CCDC141: variants seen among roughly 807,000 people sequenced by gnomAD.
The protein encoded by CCDC141 is coiled-coil domain containing 141, also known as coiled-coil domain-containing protein 141.
A neutral mutation model predicts 181.0 loss-of-function variants in CCDC141; 168 were observed. The ratio of observed to expected loss-of-function variants is 0.93; its 90% CI spans 0.82 to 1.05. CCDC141 has a LOEUF of 1.05. Ranked by LOEUF, CCDC141 falls within the 50% of genes least tolerant of loss-of-function variation. CCDC141 has a pLI of 0.00. For synonymous variants in CCDC141, 666 were observed against 642.3 expected (o/e 1.04, Z -0.56); for missense variants, 1,902 against 1,788.5 (o/e 1.06, Z -1.14).
intron 2 of CCDC141, among the ~76,000 whole-genome samples, chr2:178,987,069 A>C (rs1691785646): frequency 6.7e-6 from 1 of 149,500 alleles, no homozygotes; most frequent in East Asian, 2.0e-4. Flanking sequence ...TTCAAACTAT[A>C]CTACAAGGCT....
chr2:178,897,534 G>C (rs1488292768), intron 8 of CCDC141, among the ~76,000 whole-genome samples: 1 of 152,142 alleles, frequency 6.6e-6, no homozygotes. Flanking sequence ...AACAGATAAT[G>C]CTTAATTAAA....
chr2:178,991,700 G>A (rs887143702), intron 2 of CCDC141, among the ~76,000 whole-genome samples: 2 of 151,966 alleles, frequency 1.3e-5, no homozygotes, highest in African/African-American at 2.4e-5. Context: ...TCAACACAAA[G>A]AAATCACAAC....
intron 7 of CCDC141, among the ~76,000 whole-genome samples, chr2:178,906,973 C>T (rs376343961): frequency 7.2e-5 from 11 of 152,236 alleles, no homozygotes; most frequent in African/African-American, 2.4e-4. Flanking sequence ...ACTCAAACAG[C>T]GTCTTACTAC....
In CCDC141 at chr2:179,048,421, GTTTCCAGTGTAAT is replaced by G. The variant is rs1434551050; in HGVS notation, c.103-1028_103-1016del. 1.2e-4 allele frequency among the ~76,000 whole-genome samples: 18 copies of G among 152,180 alleles called. No individual in the cohort carries two copies. In the East Asian group the frequency reaches 2.9e-3, roughly 24 times the overall value. On this transcript the variant is annotated intron_variant, in intron 1 of 23. Coordinates refer to ENST00000443758, the MANE Select transcript of CCDC141 (RefSeq NM_173648.4). ...GAAACACAATTCAGTTAAAATAAGAGTTTCCAGTGTAATTTTCCAGTGTAATTTCCAGTGTAAT... is the reference window on the plus strand; with the variant it reads ...GAAACACAATTCAGTTAAAATAAGAGTTTCCAGTGTAATTTCCAGTGTAAT...
intron 2 of CCDC141, among the ~76,000 whole-genome samples, chr2:178,985,013 A>AT (rs1276580426): frequency 2.0e-5 from 3 of 151,008 alleles, no homozygotes; most frequent in Admixed American, 6.6e-5. Flanking sequence ...TAGAATATAC[A>AT]TTTTTTTCAG....
intron 2 of CCDC141, among the ~76,000 whole-genome samples, chr2:179,008,534 GA>G: frequency 6.6e-6 from 1 of 152,282 alleles, no homozygotes; most frequent in Non-Finnish European, 1.5e-5. Flanking sequence ...CTACCTGGGG[GA>G]AATTTTGGAA....
intron 5 of CCDC141, among the ~76,000 whole-genome samples, chr2:178,958,402 G>C (rs973332581): frequency 6.6e-6 from 1 of 151,810 alleles, no homozygotes; most frequent in Admixed American, 6.6e-5. Context: ...GCAGGTATGG[G>C]GGCAGGGAAC....
chr2:178,999,037 T>C (rs1692410012), intron 2 of CCDC141, among the ~76,000 whole-genome samples: 1 of 152,172 alleles, frequency 6.6e-6, no homozygotes, highest in African/African-American at 2.4e-5. Context: ...GTGGAGAAAG[T>C]GTAGCGGTCA....
Position 178,878,082 on chromosome 2 carries a change from T to C in CCDC141, c.1781A>G (p.Gln594Arg), listed in dbSNP as rs1686426872. ...FYETEIPQKE[Q>R]DDAKAKHCSD... is the part of the protein sequence containing the mutation. ...ACAATGCTTGGCTTTAGCATCATCC[T>C]GCTCCTTCTGAGGGATTTCGGTTTC... Residue 594 changes from glutamine (Q) to arginine (R), a missense_variant, in exon 12 of 24, where the codon CAG becomes CGG. Coordinates refer to ENST00000443758, the MANE Select transcript of CCDC141 (RefSeq NM_173648.4). 1 of 1,612,602 alleles carries C rather than the reference T, an allele frequency of 6.2e-7. No homozygotes were observed. Among genetic ancestry groups the C allele is most frequent in the African/African-American group, 1.3e-5 (1 of 74,912 alleles).
At chr2:178,842,314 G>A (rs1389727526) in intron 22 of CCDC141, among the ~76,000 whole-genome samples, 1 of 152,002 alleles carries the variant, frequency 6.6e-6, no homozygotes, top group Non-Finnish European at 1.5e-5. Context: ...TATATGAATG[G>A]CCTGCAGTCT....
rs775082518 is a variant in CCDC141, at chr2:179,047,293, G to C, written c.216C>G (p.Ala72=). The change falls in exon 2 of 24, where the codon GCC becomes GCG. Residue 72 remains alanine, a synonymous_variant. Coordinates refer to ENST00000443758, the MANE Select transcript of CCDC141 (RefSeq NM_173648.4). ...KLLHDHELLL[A]KLKALEDRVW... ...CATCTTAGTATCTTACCTTGAGCTTGGCCAAAAGAAGTTCATGATCATGAA... is the reference window on the plus strand; with the variant it reads ...CATCTTAGTATCTTACCTTGAGCTTCGCCAAAAGAAGTTCATGATCATGAA... The C allele has an allele frequency of 6.5e-7, 1 of 1,530,938 alleles. No homozygotes were observed. The highest frequency in any genetic ancestry group is 8.8e-7 in the Non-Finnish European group (1 of 1,141,800). 94.8% of individuals were successfully genotyped at this position (1,530,938 alleles called of 1,614,324 possible).
intron 22 of CCDC141, among the ~76,000 whole-genome samples, chr2:178,845,181 T>C (rs1003758013): frequency 1.3e-5 from 2 of 152,212 alleles, no homozygotes; most frequent in Non-Finnish European, 2.9e-5. Context: ...GGGAACAAGA[T>C]ATGATCTAAT....
rs1025004503 is a variant in CCDC141, at chr2:178,865,739, T to G, written c.2724+28A>C. 3.5e-6 allele frequency: 5 copies of G among 1,445,950 alleles called. No individual in the cohort carries two copies. The African/African-American group carries it at 4.3e-5, about 13-fold the overall frequency. The allele number at this position is 1,445,950 out of a possible 1,614,324, so 89.6% of individuals were successfully genotyped here. ...AGGTTCAAACAGCTTTTTGGCAATG[T>G]GCCAGTTCTCACCCCTCCCACACCC... On this transcript the variant is annotated intron_variant, in intron 17 of 23. Coordinates refer to ENST00000443758, the MANE Select transcript of CCDC141 (RefSeq NM_173648.4).
Position 178,837,571 on chromosome 2 carries a change from C to A in CCDC141, c.3648G>T (p.Leu1216Phe). ...YECVSPDDISLPPLPGSPESP... is the reference protein window; with the variant it reads ...YECVSPDDISFPPLPGSPESP... The stretch of plus-strand genomic sequence containing the variant: ...ACTCAGGGCTTCCTGGGAGAGGAGG[C>A]AAGGAGATGTCATCAGGTGAGACAC... Residue 1216 changes from leucine (L) to phenylalanine (F), a missense_variant, in exon 23 of 24, where the codon TTG becomes TTT. Transcript: ENST00000443758. 6.2e-7 allele frequency: 1 copy of A among 1,613,862 alleles called. No individual in the cohort carries two copies. The highest frequency in any genetic ancestry group is 8.5e-7 in the Non-Finnish European group (1 of 1,179,894).
At chr2:179,009,189 C>CA (rs1210297790) in intron 2 of CCDC141, among the ~76,000 whole-genome samples, 1 of 152,178 alleles carries the variant, frequency 6.6e-6, no homozygotes, top group African/African-American at 2.4e-5. Flanking sequence ...TGATTTCCCC[C>CA]TATACCCTCC....
intron 3 of CCDC141, 96 bp from the exon 4 acceptor site, chr2:178,975,261 C>T (rs975554223): frequency 3.3e-6 from 2 of 601,922 alleles, no homozygotes; most frequent in East Asian, 5.7e-5. Context: ...AAATTAGTAG[C>T]CCAACTGAGG....
At chr2:179,013,856 G>A (rs1388384255) in intron 2 of CCDC141, among the ~76,000 whole-genome samples, 1 of 148,930 alleles carries the variant, frequency 6.7e-6, no homozygotes. Flanking sequence ...TACTTGGGAG[G>A]CTGAGGCAGG....
chr2:178,966,979 G>A (rs953903809), intron 4 of CCDC141, among the ~76,000 whole-genome samples: 2 of 151,776 alleles, frequency 1.3e-5, no homozygotes, highest in South Asian at 2.1e-4. Context: ...TAGCTGAATC[G>A]ACCAAGCAGA....
intron 2 of CCDC141, among the ~76,000 whole-genome samples, chr2:178,981,701 G>T (rs548106521): frequency 8.9e-6 from 1 of 112,584 alleles, no homozygotes; most frequent in Non-Finnish European, 1.8e-5. Flanking sequence ...GAGAGAGAGA[G>T]AAAAAAAAAC....
Sources: allele counts gnomAD v4.1 joint callset (sites outside exome capture counted in the v4.1 genomes callset), GRCh38; gene constraint gnomAD v4.1.1; transcripts MANE v1.5; gene names NCBI Gene and HGNC (gene_info 2026-07-23, HGNC 2026-07-21).